C10orf67: variants seen among roughly 807,000 people sequenced by gnomAD.
The protein encoded by C10orf67 is uncharacterized protein C10orf67, mitochondrial.
In C10orf67, 60 loss-of-function variants were observed where a neutral mutation model predicts 35.6. The ratio of observed to expected loss-of-function variants is 1.68; its 90% CI spans 1.37 to 2.09. The LOEUF (loss-of-function observed/expected upper bound fraction) is 2.09. C10orf67 is among the 30% of genes most tolerant of loss of function. The pLI is 0.00. For synonymous variants in C10orf67, 167 were observed against 115.8 expected (o/e 1.44, Z -2.84); for missense variants, 474 against 330.2 (o/e 1.44, Z -3.38).
At chr10:23,284,204 C>T (rs547805831) in intron 7 of C10orf67, among the ~76,000 whole-genome samples, 120 of 151,920 alleles carry the variant, frequency 7.9e-4, no homozygotes, top group African/African-American at 2.9e-3. Context: ...CTGCTTACAC[C>T]CCCTTCCCCA....
chr10:23,328,993 C>CAAAAAAAAAAAAAAAAAAAAAAAAGA (rs57772405), intron 2 of C10orf67, among the ~76,000 whole-genome samples: 1 of 78,732 alleles, frequency 1.3e-5, no homozygotes, highest in Non-Finnish European at 2.5e-5. Flanking sequence ...CATAAACGAA[C>CAAAAAAAAAAAAAAAAAAAAAAAAGA]AAAAAAAAAA....
intron 2 of C10orf67, among the ~76,000 whole-genome samples, chr10:23,331,896 T>C (rs951319639): frequency 6.6e-6 from 1 of 152,172 alleles, no homozygotes; most frequent in Admixed American, 6.5e-5. Context: ...AATAAAATTA[T>C]AAAATGTTTC....
chr10:23,267,302 A>T, intron 8 of C10orf67, 48 bp from the exon 9 acceptor site: 1 of 664,602 alleles, frequency 1.5e-6, no homozygotes. Context: ...GCAAAGATTA[A>T]AAAAGACAAT....
At chr10:23,262,601 A>T (rs903335267) in intron 10 of C10orf67, among the ~76,000 whole-genome samples, 2 of 152,178 alleles carry the variant, frequency 1.3e-5, no homozygotes, top group African/African-American at 4.8e-5. Flanking sequence ...CCACAAATAA[A>T]ATGTTATAAT....
chr10:23,291,664 C>T (rs527478819), intron 5 of C10orf67, among the ~76,000 whole-genome samples: 6 of 152,114 alleles, frequency 3.9e-5, no homozygotes, highest in South Asian at 2.1e-4. Flanking sequence ...GGGACCAGGA[C>T]GGGCAGCGCC....
chr10:23,331,697 A>T (rs1472692492), intron 2 of C10orf67, among the ~76,000 whole-genome samples: 1 of 143,604 alleles, frequency 7.0e-6, no homozygotes, highest in Non-Finnish European at 1.5e-5. Context: ...GGAAGAAGGG[A>T]AGGGGGAAGG....
At chr10:23,311,017 A>ATGCCATGCCAT in intron 4 of C10orf67, among the ~76,000 whole-genome samples, 1 of 151,730 alleles carries the variant, frequency 6.6e-6, no homozygotes, top group East Asian at 1.9e-4. Context: ...CCCAGGCTGG[A>ATGCCATGCCAT]GTACAGTGGC....
chr10:23,220,361 A>C (rs1841545455), intron 15 of C10orf67, among the ~76,000 whole-genome samples: 1 of 152,162 alleles, frequency 6.6e-6, no homozygotes, highest in South Asian at 2.1e-4. Flanking sequence ...ATCTCACTTC[A>C]TCCTCATAAC....
intron 4 of C10orf67, among the ~76,000 whole-genome samples, chr10:23,303,688 A>C (rs546040965): frequency 1.3e-5 from 2 of 152,372 alleles, no homozygotes; most frequent in African/African-American, 4.8e-5. Flanking sequence ...TATGTAGCAC[A>C]GTGTTATCCT....
intron 10 of C10orf67, among the ~76,000 whole-genome samples, chr10:23,256,012 T>C (rs547026564): frequency 5.3e-5 from 8 of 152,048 alleles, no homozygotes; most frequent in Non-Finnish European, 1.2e-4. Context: ...GTTTTGTGAG[T>C]TTTTTTCTTC....
intron 8 of C10orf67, among the ~76,000 whole-genome samples, chr10:23,280,049 C>T (rs1415941937): frequency 6.6e-6 from 1 of 151,894 alleles, no homozygotes; most frequent in Non-Finnish European, 1.5e-5. Flanking sequence ...AAAACGGGGC[C>T]TCACTATGTT....
chr10:23,310,304 G>A (rs546865063), intron 4 of C10orf67, among the ~76,000 whole-genome samples: 1 of 152,306 alleles, frequency 6.6e-6, no homozygotes, highest in Admixed American at 6.5e-5. Flanking sequence ...ACCCATTAAT[G>A]CTTCTGTCCT....
intron 4 of C10orf67, chr10:23,318,396 T>C (rs4072688): frequency 0.039 from 5,897 of 152,974 alleles, 175 homozygotes; most frequent in Middle Eastern, 0.087. Flanking sequence ...CATGGGCTTT[T>C]GTCAGCATGG....
chr10:23,268,846 C>T (rs1477160364), intron 8 of C10orf67, among the ~76,000 whole-genome samples: 4 of 152,214 alleles, frequency 2.6e-5, no homozygotes, highest in African/African-American at 9.7e-5. Flanking sequence ...TGTTACTGTA[C>T]TGAATATTGT....
chr10:23,312,597 A>G (rs1208310917), intron 4 of C10orf67, among the ~76,000 whole-genome samples: 1 of 152,206 alleles, frequency 6.6e-6, no homozygotes, highest in African/African-American at 2.4e-5. Flanking sequence ...GGCGCTCTCC[A>G]TAGACAGAAC....
intron 7 of C10orf67, among the ~76,000 whole-genome samples, chr10:23,284,695 CCAAACAAA>C (rs72488870): frequency 4.6e-5 from 7 of 151,270 alleles, no homozygotes; most frequent in Non-Finnish European, 1.0e-4. Context: ...CAAAAAACCC[CCAAACAAA>C]CAAACAAACA....
At chr10:23,265,596 T>C (rs982714005) in intron 10 of C10orf67, among the ~76,000 whole-genome samples, 5 of 152,206 alleles carry the variant, frequency 3.3e-5, no homozygotes, top group Admixed American at 6.5e-5. Context: ...CAACTATCTT[T>C]ATAGCTAAGA....
intron 13 of C10orf67, among the ~76,000 whole-genome samples, chr10:23,238,313 T>G (rs1842097392): frequency 6.6e-6 from 1 of 152,236 alleles, no homozygotes; most frequent in African/African-American, 2.4e-5. Context: ...CCATCAGTTT[T>G]TCTTCAGTAT....
At chr10:23,281,129 C>T (rs1023560780) in intron 8 of C10orf67, among the ~76,000 whole-genome samples, 3 of 152,148 alleles carry the variant, frequency 2.0e-5, no homozygotes, top group Non-Finnish European at 1.5e-5. Context: ...TTTTTCGTTG[C>T]CTGCATTCCC....
Sources: allele counts gnomAD v4.1 joint callset (sites outside exome capture counted in the v4.1 genomes callset), GRCh38; gene constraint gnomAD v4.1.1; transcripts MANE v1.5; gene names NCBI Gene and HGNC (gene_info 2026-07-23, HGNC 2026-07-21).